FOXP1: variants seen among roughly 807,000 people sequenced by gnomAD.
FOXP1 encodes the protein forkhead box protein P1.
In FOXP1, 15 loss-of-function variants were observed where a neutral mutation model predicts 98.2. The observed-to-expected ratio is 0.15, with a 90% CI of 0.10 to 0.24. FOXP1 has a LOEUF of 0.24. Among genes scored for constraint, FOXP1 ranks in the 10% least tolerant of loss-of-function variants. FOXP1 has a pLI of 1.00. For missense variants in FOXP1, 633 were observed against 848.5 expected, an observed-to-expected ratio of 0.75 and a Z score of 3.15; for synonymous variants, 371 against 314.5, an observed-to-expected ratio of 1.18 and a Z score of -1.90.
chr3:70,974,334 T>C (rs1202069402), intron 17 of FOXP1, among the ~76,000 whole-genome samples: 5 of 152,192 alleles, frequency 3.3e-5, no homozygotes, highest in Admixed American at 2.6e-4. Context: ...GGTCTTGCTC[T>C]GTTGCCTGAC....
chr3:71,328,742 G>A (rs541070575), intron 4 of FOXP1, among the ~76,000 whole-genome samples: 1 of 152,172 alleles, frequency 6.6e-6, no homozygotes, highest in African/African-American at 2.4e-5. Context: ...GGAGGCTGAG[G>A]CAGTTGGATC....
At chr3:71,106,420 C>A (rs1173827834) in intron 7 of FOXP1, among the ~76,000 whole-genome samples, 1 of 152,154 alleles carries the variant, frequency 6.6e-6, no homozygotes, top group African/African-American at 2.4e-5. Flanking sequence ...ACTGCAACCT[C>A]CGCCTTCCAG....
intron 10 of FOXP1, 95 bp from the exon 11 acceptor site, chr3:71,041,627 G>A (rs1016138796): frequency 8.1e-7 from 1 of 1,238,046 alleles, no homozygotes; most frequent in African/African-American, 1.5e-5. Context: ...ACAAAGCCTA[G>A]TGTTAGGGGG....
chr3:71,431,861 G>C (rs895548631), intron 3 of FOXP1, among the ~76,000 whole-genome samples: 1 of 152,098 alleles, frequency 6.6e-6, no homozygotes, highest in Non-Finnish European at 1.5e-5. Context: ...TCATTGTGTA[G>C]TGTCTATGGA....
chr3:70,966,284 G>T, intron 19 of FOXP1: 1 of 562,542 alleles, frequency 1.8e-6, no homozygotes, highest in Non-Finnish European at 3.2e-6. Context: ...CCAAGTGCCT[G>T]TGGGTAGGAA....
chr3:70,965,872 T>C lies in FOXP1; in HGVS notation c.1889+18A>G. ...CTAGGGTCAGATAGCAAAGACCTGT[T>C]GGGTGGACAATACTCACACGGCTTG... On this transcript the variant is annotated intron_variant, in intron 20 of 20. Transcript: ENST00000649528. 2 of 1,613,220 alleles carry C rather than the reference T, an allele frequency of 1.2e-6. No individual in the cohort carries two copies. Among genetic ancestry groups the C allele is most frequent in the East Asian group, 4.5e-5 (2 of 44,868 alleles).
At chr3:71,294,709 G>A (rs576401607) in intron 5 of FOXP1, among the ~76,000 whole-genome samples, 67 of 152,234 alleles carry the variant, frequency 4.4e-4, no homozygotes, top group African/African-American at 1.6e-3. Context: ...AAATCTGTTT[G>A]TCAATTCTCC....
At chr3:71,165,344 A>G (rs143384548) in intron 6 of FOXP1, among the ~76,000 whole-genome samples, 69 of 151,638 alleles carry the variant, frequency 4.6e-4, no homozygotes, top group African/African-American at 1.5e-3. Context: ...ATGAACGTTT[A>G]CCTCATTTAA....
chr3:70,977,052 A>AGAATGTAACAGAAGATAAT lies in FOXP1; in HGVS notation c.1429-29_1429-11dup, dbSNP rs1231699020. On this transcript the variant is annotated splice_polypyrimidine_tract_variant and intron_variant, in intron 16 of 20. Transcript: ENST00000649528. Reference sequence around the variant, plus strand: ...GAGATTCGAGAATGGCCTGTGAAGCAGAATGTAACAGAAGATAATTTATGA... The same window carrying AGAATGTAACAGAAGATAAT: ...GAGATTCGAGAATGGCCTGTGAAGCAGAATGTAACAGAAGATAATGAATGTAACAGAAGATAATTTATGA... The AGAATGTAACAGAAGATAAT allele has an allele frequency of 6.5e-7, 1 of 1,548,744 alleles. No individual in the cohort carries two copies. Among genetic ancestry groups the AGAATGTAACAGAAGATAAT allele is most frequent in the Non-Finnish European group, 8.9e-7 (1 of 1,120,562 alleles).
intron 4 of FOXP1, among the ~76,000 whole-genome samples, chr3:71,339,951 A>T (rs1002397905): frequency 6.6e-6 from 1 of 152,238 alleles, no homozygotes; most frequent in Non-Finnish European, 1.5e-5. Context: ...GTGAATATAC[A>T]GTCGTGGCTA....
Position 71,347,847 on chromosome 3 carries a change from C to T in FOXP1, c.-73+11303G>A, listed in dbSNP as rs113196384. On this transcript the variant is annotated intron_variant, in intron 4 of 20. Coordinates refer to ENST00000649528, the MANE Select transcript of FOXP1 (RefSeq NM_001349338.3). ...TTGCAGTGAGCAGAGATCGTGCCACCGAACTCCGGCTCAGCAACAAGAGCA... is the reference window on the plus strand; with the variant it reads ...TTGCAGTGAGCAGAGATCGTGCCACTGAACTCCGGCTCAGCAACAAGAGCA... 3.3e-3 allele frequency among the ~76,000 whole-genome samples: 495 copies of T among 150,808 alleles called. 2 individuals carry two copies. The highest frequency in any genetic ancestry group is 0.012 in the African/African-American group (478 of 41,034).
At chr3:71,071,183 C>T (rs1182098778) in intron 7 of FOXP1, among the ~76,000 whole-genome samples, 1 of 152,104 alleles carries the variant, frequency 6.6e-6, no homozygotes, top group Non-Finnish European at 1.5e-5. Flanking sequence ...GGTTGTAAGG[C>T]CAGTTCTAGT....
intron 5 of FOXP1, chr3:71,295,958 G>A (rs573212325): frequency 3.3e-5 from 5 of 152,182 alleles, no homozygotes; most frequent in Non-Finnish European, 7.3e-5. Flanking sequence ...TGGGGATTAT[G>A]AGAATTGCCA....
At chr3:71,158,153 GA>G (rs1576102188) in intron 6 of FOXP1, among the ~76,000 whole-genome samples, 1 of 54,856 alleles carries the variant, frequency 1.8e-5, no homozygotes, top group East Asian at 5.5e-4. Context: ...GGGAAGGAGG[GA>G]GGGAGGCAGG....
chr3:71,463,407 C>T (rs553347517), intron 3 of FOXP1, among the ~76,000 whole-genome samples: 10 of 148,006 alleles, frequency 6.8e-5, no homozygotes, highest in African/African-American at 2.5e-4. Flanking sequence ...ATACCCACCA[C>T]AGGTCACCTT....
At chr3:71,049,639 AGGGGGTGGGG>A (rs1293091703) in intron 9 of FOXP1, among the ~76,000 whole-genome samples, 3 of 151,880 alleles carry the variant, frequency 2.0e-5, no homozygotes, top group African/African-American at 7.3e-5. Flanking sequence ...CAGGAAAAAA[AGGGGGTGGGG>A]GGAGCCTGAC....
chr3:70,960,823 G>A (rs911256930), intron 20 of FOXP1, among the ~76,000 whole-genome samples: 7 of 150,504 alleles, frequency 4.7e-5, no homozygotes, highest in Non-Finnish European at 1.0e-4. Flanking sequence ...GGGGCTAGAT[G>A]TTACCTTTAA....
At chr3:70,983,136 A>T (rs1337758807) in intron 14 of FOXP1, among the ~76,000 whole-genome samples, 1 of 152,128 alleles carries the variant, frequency 6.6e-6, no homozygotes, top group Non-Finnish European at 1.5e-5. Context: ...AGCCTTTGTT[A>T]CAAGCCTTTC....
At chr3:71,292,045 C>T (rs964904316) in intron 5 of FOXP1, among the ~76,000 whole-genome samples, 3 of 152,140 alleles carry the variant, frequency 2.0e-5, no homozygotes, top group Non-Finnish European at 2.9e-5. Context: ...CAAGCCACTA[C>T]ACTAAAATCC....
Sources: gnomAD v4.1 joint callset for allele counts (sites outside exome capture counted in the v4.1 genomes callset) on GRCh38, gnomAD v4.1.1 for gene constraint, MANE v1.5 for transcripts, NCBI Gene and HGNC (gene_info 2026-07-23, HGNC 2026-07-21) for gene names.